FHIT: variants seen among roughly 807,000 people sequenced by gnomAD.
The protein encoded by FHIT is fragile histidine triad diadenosine triphosphatase.
Under a neutral mutation model 17.9 loss-of-function variants are expected in FHIT, and 19 were observed. The ratio of observed to expected loss-of-function variants is 1.06; its 90% CI spans 0.74 to 1.56. FHIT has a LOEUF of 1.56. FHIT is among the 40% of genes most tolerant of loss of function. The pLI is 0.00. For missense variants in FHIT, 248 were observed against 189.2 expected (o/e 1.31, Z -1.82); for synonymous variants, 81 against 69.7 (o/e 1.16, Z -0.81).
rs770202825 is a variant in FHIT at position 59,842,759 on chromosome 3, TTTG to T, written c.348+79584_348+79586del. 1.1e-4 allele frequency among the ~76,000 whole-genome samples: 16 copies of T among 152,252 alleles called. No homozygotes were observed. The East Asian group carries it at 1.5e-3, about 15-fold the overall frequency. Reference sequence around the variant, plus strand: ...TTTGCGCATTTTTGAATCAGTGATTTTTGTTGTTGTTGCTGAGTTTTAGGAATT... The same window carrying T: ...TTTGCGCATTTTTGAATCAGTGATTTTTGTTGTTGCTGAGTTTTAGGAATT... On this transcript the variant is annotated intron_variant, in intron 8 of 9. Transcript: ENST00000492590.
At position 60,268,185 on chromosome 3, in the gene FHIT, G is replaced by A. The variant is rs80048068; in HGVS notation, c.104-254033C>T. On this transcript the variant is annotated intron_variant, in intron 5 of 9. Coordinates refer to ENST00000492590, the MANE Select transcript of FHIT (RefSeq NM_002012.4). ...TACTGCTTCAACTCCTTGAAAAGCAGTCTGAACTTTTGAGTTTTTAGCATA... is the reference window on the plus strand; with the variant it reads ...TACTGCTTCAACTCCTTGAAAAGCAATCTGAACTTTTGAGTTTTTAGCATA... 6.1e-3 allele frequency among the ~76,000 whole-genome samples: 929 copies of A among 152,304 alleles called. 11 individuals are homozygous for A. The highest frequency in any genetic ancestry group is 9.3e-3 in the Non-Finnish European group (631 of 68,024).
intron 5 of FHIT, among the ~76,000 whole-genome samples, chr3:60,222,712 A>G (rs1704018172): frequency 6.6e-6 from 1 of 152,262 alleles, no homozygotes; most frequent in East Asian, 1.9e-4. Context: ...AGCAGACACT[A>G]TGCTGATGGT....
At chr3:59,981,104 T>TCCATG (rs1708635316) in intron 7 of FHIT, among the ~76,000 whole-genome samples, 1 of 152,002 alleles carries the variant, frequency 6.6e-6, no homozygotes, top group South Asian at 2.1e-4. Context: ...AAACACTGGG[T>TCCATG]CCATGGAGAA....
intron 4 of FHIT, among the ~76,000 whole-genome samples, chr3:60,548,969 T>C (rs1345528179): frequency 1.3e-5 from 2 of 152,198 alleles, no homozygotes; most frequent in African/African-American, 2.4e-5. Context: ...CTCAGGCAAG[T>C]TCCTTAGCTT....
intron 5 of FHIT, among the ~76,000 whole-genome samples, chr3:60,492,249 A>C (rs563541176): frequency 6.2e-4 from 95 of 152,238 alleles, no homozygotes; most frequent in Non-Finnish European, 1.0e-3. Context: ...AGACAACAGT[A>C]GCTATCTGAA....
intron 2 of FHIT, among the ~76,000 whole-genome samples, chr3:61,170,681 G>A (rs1041141011): frequency 2.3e-4 from 35 of 152,084 alleles, no homozygotes; most frequent in African/African-American, 7.5e-4. Context: ...ATCTCCATCC[G>A]TGTTCCTGCA....
At chr3:60,728,247 C>A (rs1222691842) in intron 4 of FHIT, among the ~76,000 whole-genome samples, 1 of 152,304 alleles carries the variant, frequency 6.6e-6, no homozygotes, top group Middle Eastern at 3.4e-3. Context: ...TACACTATTT[C>A]TCAAACTCAA....
chr3:59,948,907 G>A (rs1334859606), intron 7 of FHIT, among the ~76,000 whole-genome samples: 1 of 151,832 alleles, frequency 6.6e-6, no homozygotes, highest in African/African-American at 2.4e-5. Context: ...TTTAGACTTG[G>A]GGGAACATGT....
At chr3:60,719,764 T>C (rs553976510) in intron 4 of FHIT, among the ~76,000 whole-genome samples, 56 of 152,276 alleles carry the variant, frequency 3.7e-4, no homozygotes, top group African/African-American at 1.1e-3. Flanking sequence ...GAGGTAATAA[T>C]AGTAAACTTG....
At chr3:59,934,423 G>C (rs1706128848) in intron 7 of FHIT, among the ~76,000 whole-genome samples, 1 of 151,922 alleles carries the variant, frequency 6.6e-6, no homozygotes, top group Non-Finnish European at 1.5e-5. Flanking sequence ...CTGCAAGAGG[G>C]GCCCATTAGA....
At chr3:60,082,435 T>C (rs1703328678) in intron 5 of FHIT, among the ~76,000 whole-genome samples, 1 of 152,158 alleles carries the variant, frequency 6.6e-6, no homozygotes, top group African/African-American at 2.4e-5. Context: ...ACAATAAACA[T>C]ACAGGTAGAT....
intron 3 of FHIT, among the ~76,000 whole-genome samples, chr3:60,837,885 G>C (rs183587591): frequency 1.3e-5 from 2 of 151,870 alleles, no homozygotes; most frequent in Non-Finnish European, 2.9e-5. Flanking sequence ...CCCTATCTCC[G>C]CACTTTGCAT....
intron 4 of FHIT, among the ~76,000 whole-genome samples, chr3:60,763,368 T>G (rs1358948990): frequency 3.3e-5 from 5 of 152,160 alleles, no homozygotes; most frequent in Admixed American, 3.3e-4. Flanking sequence ...CAAAAACGCA[T>G]GAGGAAGAAA....
intron 3 of FHIT, among the ~76,000 whole-genome samples, chr3:60,872,869 A>T (rs2107077366): frequency 6.6e-6 from 1 of 152,226 alleles, no homozygotes; most frequent in South Asian, 2.1e-4. Context: ...ACTGGCAACA[A>T]CTCACAAAAG....
At chr3:61,249,659 A>G (rs1022028498) in intron 1 of FHIT, among the ~76,000 whole-genome samples, 1 of 152,184 alleles carries the variant, frequency 6.6e-6, no homozygotes, top group Non-Finnish European at 1.5e-5. Flanking sequence ...TGATATAAAA[A>G]TGGTTCTCAC....
At chr3:60,282,120 C>G (rs961378348) in intron 5 of FHIT, among the ~76,000 whole-genome samples, 1 of 152,144 alleles carries the variant, frequency 6.6e-6, no homozygotes, top group Non-Finnish European at 1.5e-5. Context: ...TAAATCTAAA[C>G]ATAGTTTCAC....
intron 3 of FHIT, among the ~76,000 whole-genome samples, chr3:60,854,104 T>G (rs894176001): frequency 1.1e-4 from 16 of 152,130 alleles, no homozygotes; most frequent in African/African-American, 3.9e-4. Flanking sequence ...ACTTCTTGGG[T>G]TGTGGTTCCT....
Position 60,943,850 on chromosome 3 carries a change from A to C in FHIT, c.-111+98197T>G, listed in dbSNP as rs188530766. 1.8e-3 allele frequency among the ~76,000 whole-genome samples: 275 copies of C among 152,314 alleles called. 1 individual carries two copies. The highest frequency in any genetic ancestry group is 3.4e-3 in the Middle Eastern group (1 of 294). ...ATATAACACAGAAAATCCCCAACTAAGATGGCTAATCCACTACTACTCTTA... is the reference window on the plus strand; with the variant it reads ...ATATAACACAGAAAATCCCCAACTACGATGGCTAATCCACTACTACTCTTA... On this transcript the variant is annotated intron_variant, in intron 3 of 9. Transcript: ENST00000492590.
intron 8 of FHIT, among the ~76,000 whole-genome samples, chr3:59,911,912 C>A (rs1473702006): frequency 6.6e-6 from 1 of 152,014 alleles, no homozygotes; most frequent in Non-Finnish European, 1.5e-5. Flanking sequence ...TTTTTGGGTG[C>A]CGGGAGGCAG....
Sources: allele counts gnomAD v4.1 joint callset (sites outside exome capture counted in the v4.1 genomes callset), GRCh38; gene constraint gnomAD v4.1.1; transcripts MANE v1.5; gene names NCBI Gene and HGNC (gene_info 2026-07-23, HGNC 2026-07-21).